ARHGAP18: variants seen among roughly 807,000 people sequenced by gnomAD.
ARHGAP18 encodes the protein rho GTPase-activating protein 18.
In ARHGAP18, 67 loss-of-function variants were observed where a neutral mutation model predicts 86.2. The ratio of observed to expected loss-of-function variants is 0.78; its 90% CI spans 0.64 to 0.95. The LOEUF (loss-of-function observed/expected upper bound fraction) is 0.95. Among genes scored for constraint, ARHGAP18 ranks in the 40% least tolerant of loss-of-function variants. The pLI is 0.00. For missense variants in ARHGAP18, 691 were observed against 780.4 expected, an observed-to-expected ratio of 0.89 and a Z score of 1.37; for synonymous variants, 283 against 280.4, an observed-to-expected ratio of 1.01 and a Z score of -0.09.
intron 1 of ARHGAP18, among the ~76,000 whole-genome samples, chr6:129,667,548 G>A (rs749440809): frequency 1.3e-5 from 2 of 149,910 alleles, no homozygotes; most frequent in African/African-American, 2.5e-5. Context: ...TTAGATTCAC[G>A]GGTACCTAAA....
chr6:129,674,276 T>C (rs778833340), intron 1 of ARHGAP18, among the ~76,000 whole-genome samples: 8 of 152,198 alleles, frequency 5.3e-5, no homozygotes, highest in Non-Finnish European at 1.2e-4. Context: ...GGTTCCATCA[T>C]TAATTGTGAA....
chr6:129,674,644 T>C (rs1162752570), intron 1 of ARHGAP18, among the ~76,000 whole-genome samples: 2 of 152,212 alleles, frequency 1.3e-5, no homozygotes, highest in Non-Finnish European at 2.9e-5. Flanking sequence ...TTATAAATAA[T>C]CTAGAGATGA....
intron 5 of ARHGAP18, among the ~76,000 whole-genome samples, chr6:129,625,801 T>G (rs1213711438): frequency 2.2e-4 from 17 of 75,818 alleles, no homozygotes; most frequent in African/African-American, 9.7e-4. Context: ...TATTTTTATA[T>G]TATATATTAT....
At chr6:129,595,223 C>A (rs1367416902) in intron 12 of ARHGAP18, among the ~76,000 whole-genome samples, 1 of 152,160 alleles carries the variant, frequency 6.6e-6, no homozygotes, top group Non-Finnish European at 1.5e-5. Context: ...AAAAATATAG[C>A]ACTACACCAT....
At chr6:129,587,376 T>G (rs1272943197) in intron 12 of ARHGAP18, among the ~76,000 whole-genome samples, 2 of 152,222 alleles carry the variant, frequency 1.3e-5, no homozygotes, top group Non-Finnish European at 2.9e-5. Context: ...CCAGAGTTAC[T>G]AACATTAGCA....
chr6:129,595,682 G>T (rs886588506), intron 12 of ARHGAP18, among the ~76,000 whole-genome samples: 20 of 151,988 alleles, frequency 1.3e-4, no homozygotes, highest in African/African-American at 4.6e-4. Context: ...CTCTCTTAAG[G>T]CTCACTCCTG....
rs1285183113 is a variant in ARHGAP18 at position 129,618,818 on chromosome 6, G to A, written c.821C>T (p.Thr274Ile). Residue 274 changes from threonine to isoleucine, a missense_variant, in exon 6 of 15, where the codon ACA becomes ATA. Coordinates refer to ENST00000368149, the MANE Select transcript of ARHGAP18 (RefSeq NM_033515.3). ...FRLPKDKTGT[T>I]RIGDLAPQDM... ...CTGGGGTGCGAGGTCACCAATCCTT[G>A]TGGTACCCGTTTTGTCTTTTGGCAA... 2 of 1,612,842 alleles carry A rather than the reference G, an allele frequency of 1.2e-6. No individual in the cohort carries two copies. The highest frequency in any genetic ancestry group is 1.7e-5 in the Admixed American group (1 of 59,914).
At chr6:129,673,667 T>C (rs147583676) in intron 1 of ARHGAP18, among the ~76,000 whole-genome samples, 1,995 of 152,310 alleles carry the variant, frequency 0.013, 51 homozygotes, top group African/African-American at 0.045. Flanking sequence ...ATGCACTTAT[T>C]TTTACCATTT....
chr6:129,589,153 G>A (rs1254592721), intron 12 of ARHGAP18, among the ~76,000 whole-genome samples: 1 of 152,164 alleles, frequency 6.6e-6, no homozygotes, highest in Non-Finnish European at 1.5e-5. Flanking sequence ...TTAGCTCCTT[G>A]TTACTTCTGC....
chr6:129,631,817 G>A (rs1204785538), intron 4 of ARHGAP18, among the ~76,000 whole-genome samples: 2 of 150,720 alleles, frequency 1.3e-5, no homozygotes. Flanking sequence ...AAAATAAGAA[G>A]CTATACATAT....
At chr6:129,624,990 T>G (rs112812891) in intron 5 of ARHGAP18, among the ~76,000 whole-genome samples, 9,411 of 74,956 alleles carry the variant, frequency 0.13, 986 homozygotes, top group Middle Eastern at 0.21. Context: ...TAATATATAT[T>G]ATATATGATA....
At chr6:129,622,646 C>G (rs1442714465) in intron 5 of ARHGAP18, among the ~76,000 whole-genome samples, 1 of 151,802 alleles carries the variant, frequency 6.6e-6, no homozygotes, top group Non-Finnish European at 1.5e-5. Flanking sequence ...AGTTCATTGG[C>G]TAAGAGAAAG....
intron 5 of ARHGAP18, among the ~76,000 whole-genome samples, chr6:129,627,540 CA>C (rs893782984): frequency 6.6e-6 from 1 of 151,776 alleles, no homozygotes; most frequent in Non-Finnish European, 1.5e-5. Context: ...TAAACTACAC[CA>C]GGGGAATAGT....
At chr6:129,611,388 A>G (rs761614600) in intron 8 of ARHGAP18, 145 bp downstream of exon 8, 20 of 654,612 alleles carry the variant, frequency 3.1e-5, no homozygotes, top group Admixed American at 6.1e-5. Flanking sequence ...AGAAAAACTA[A>G]ACTGAATGGT....
intron 5 of ARHGAP18, among the ~76,000 whole-genome samples, chr6:129,625,669 AT>A (rs1789413076): frequency 1.7e-5 from 1 of 59,152 alleles, no homozygotes; most frequent in Admixed American, 3.3e-4. Flanking sequence ...ATATATTTAT[AT>A]TATATTATAT....
intron 1 of ARHGAP18, among the ~76,000 whole-genome samples, chr6:129,674,488 G>A (rs1233490455): frequency 6.6e-6 from 1 of 152,200 alleles, no homozygotes; most frequent in Non-Finnish European, 1.5e-5. Context: ...TTCCACATCT[G>A]TGGATTCAGC....
At chr6:129,623,880 C>T (rs981812442) in intron 5 of ARHGAP18, among the ~76,000 whole-genome samples, 2 of 152,126 alleles carry the variant, frequency 1.3e-5, no homozygotes, top group Non-Finnish European at 2.9e-5. Flanking sequence ...TATAAGTTCA[C>T]GATCAGGAAA....
At chr6:129,607,544 T>C (rs1197238364) in intron 9 of ARHGAP18, among the ~76,000 whole-genome samples, 1 of 152,214 alleles carries the variant, frequency 6.6e-6, no homozygotes, top group Non-Finnish European at 1.5e-5. Context: ...AAGTGTTGCT[T>C]TTTAACACTT....
intron 7 of ARHGAP18, among the ~76,000 whole-genome samples, chr6:129,613,736 A>T (rs1425481160): frequency 1.3e-5 from 2 of 152,196 alleles, no homozygotes; most frequent in Non-Finnish European, 2.9e-5. Flanking sequence ...TAGCTACATT[A>T]TATTGCATTA....
Sources: allele counts gnomAD v4.1 joint callset (sites outside exome capture counted in the v4.1 genomes callset), GRCh38; gene constraint gnomAD v4.1.1; transcripts MANE v1.5; gene names NCBI Gene and HGNC (gene_info 2026-07-23, HGNC 2026-07-21).